PRKG1: variants seen among roughly 807,000 people sequenced by gnomAD.
PRKG1 encodes protein kinase cGMP-dependent 1.
PRKG1 carries 35 observed loss-of-function variants against 88.1 expected under a neutral mutation model. That is an observed-to-expected ratio of 0.40 (90% CI 0.30 to 0.53). PRKG1 has a LOEUF of 0.53. Among genes scored for constraint, PRKG1 ranks in the 20% least tolerant of loss-of-function variants. The pLI is 0.59. For missense variants in PRKG1, 540 were observed against 839.8 expected (o/e 0.64, Z 4.41); for synonymous variants, 303 against 292.5 (o/e 1.04, Z -0.37).
chr10:51,795,578 T>C (rs770765344), intron 3 of PRKG1, among the ~76,000 whole-genome samples: 1 of 152,124 alleles, frequency 6.6e-6, no homozygotes, highest in Non-Finnish European at 1.5e-5. Context: ...GCCTTAATAA[T>C]GTTGGGAAGC....
At chr10:52,262,911 A>T (rs1244043831) in intron 10 of PRKG1, among the ~76,000 whole-genome samples, 1 of 152,106 alleles carries the variant, frequency 6.6e-6, no homozygotes, top group African/African-American at 2.4e-5. Context: ...TGACAAGAAA[A>T]ATGTCTATAT....
intron 4 of PRKG1, among the ~76,000 whole-genome samples, chr10:51,884,782 A>G (rs1484943055): frequency 1.3e-5 from 2 of 152,158 alleles, no homozygotes; most frequent in East Asian, 1.9e-4. Flanking sequence ...TGTAAGCTAC[A>G]GGCCTTTTTA....
intron 7 of PRKG1, among the ~76,000 whole-genome samples, chr10:52,095,801 AG>A (rs2133331361): frequency 6.6e-6 from 1 of 152,296 alleles, no homozygotes; most frequent in South Asian, 2.1e-4. Flanking sequence ...GCAAAACCCA[AG>A]GAGGTTATAG....
At position 52,033,364 on chromosome 10, in the gene PRKG1, T is replaced by A. The variant is rs571188425; in HGVS notation, c.763-21120T>A. Among the ~76,000 whole-genome samples the A allele has an allele frequency of 2.0e-5, 3 of 152,318 alleles. No homozygotes were observed. In the South Asian group the frequency reaches 6.2e-4, roughly 32 times the overall value. On this transcript the variant is annotated intron_variant, in intron 5 of 17. Coordinates refer to ENST00000373980, the MANE Select transcript of PRKG1 (RefSeq NM_006258.4). ...AAAGTTGATAAAACAACAGCACACTTCTCTGTGGTGACAAAAAAGCTTATA... is the reference window on the plus strand; with the variant it reads ...AAAGTTGATAAAACAACAGCACACTACTCTGTGGTGACAAAAAAGCTTATA...
intron 8 of PRKG1, among the ~76,000 whole-genome samples, chr10:52,154,362 A>T (rs1299804398): frequency 6.6e-6 from 1 of 152,104 alleles, no homozygotes; most frequent in Non-Finnish European, 1.5e-5. Flanking sequence ...TTGCGCTTGG[A>T]TGTCTCAGCA....
chr10:51,639,824 T>C (rs1180562938), intron 3 of PRKG1, among the ~76,000 whole-genome samples: 1 of 152,132 alleles, frequency 6.6e-6, no homozygotes, highest in Non-Finnish European at 1.5e-5. Context: ...GCCAACCTAA[T>C]AAAAGCTTTG....
At chr10:51,568,926 A>T (rs1020398949) in intron 3 of PRKG1, 18 of 152,198 alleles carry the variant, frequency 1.2e-4, no homozygotes, top group Admixed American at 5.2e-4. Flanking sequence ...GGTGGCTATG[A>T]GGATAGGGAG....
chr10:51,903,590 G>A (rs1842025142), intron 4 of PRKG1, among the ~76,000 whole-genome samples: 1 of 152,124 alleles, frequency 6.6e-6, no homozygotes, highest in Admixed American at 6.6e-5. Context: ...GTGATTCTGT[G>A]TGTTGGGGAT....
intron 2 of PRKG1, among the ~76,000 whole-genome samples, chr10:51,211,540 A>G (rs575470367): frequency 6.6e-6 from 1 of 152,216 alleles, no homozygotes; most frequent in Non-Finnish European, 1.5e-5. Context: ...CTGTTTGCAG[A>G]TGACATGATT....
chr10:52,153,950 G>T (rs1838012983), intron 8 of PRKG1, among the ~76,000 whole-genome samples: 1 of 152,000 alleles, frequency 6.6e-6, no homozygotes, highest in Admixed American at 6.6e-5. Flanking sequence ...TATCCATGTT[G>T]GTCAGGCTGG....
chr10:51,400,445 G>A (rs7090694), intron 2 of PRKG1, among the ~76,000 whole-genome samples: 1 of 152,128 alleles, frequency 6.6e-6, no homozygotes, highest in African/African-American at 2.4e-5. Flanking sequence ...GGAGTCTTCT[G>A]CCAGGGTAAT....
At chr10:51,187,691 G>C (rs1837528196) in intron 2 of PRKG1, among the ~76,000 whole-genome samples, 1 of 151,874 alleles carries the variant, frequency 6.6e-6, no homozygotes, top group Admixed American at 6.6e-5. Flanking sequence ...TATCAATATT[G>C]TGAATTTCCT....
chr10:51,456,970 A>G lies in PRKG1; in HGVS notation c.479-10753A>G, dbSNP rs577526471. 1.1e-3 allele frequency among the ~76,000 whole-genome samples: 164 copies of G among 152,302 alleles called. 1 individual carries two copies. The highest frequency in any genetic ancestry group is 3.4e-3 in the African/African-American group (140 of 41,578). Reference sequence around the variant, plus strand: ...GGCATGGATGTGGTGAAAAGGCAACACTTTTACACTGCTAGCAGGAATATA... The same window carrying G: ...GGCATGGATGTGGTGAAAAGGCAACGCTTTTACACTGCTAGCAGGAATATA... On this transcript the variant is annotated intron_variant, in intron 2 of 17. Transcript: ENST00000373980.
intron 4 of PRKG1, among the ~76,000 whole-genome samples, chr10:51,895,958 G>A (rs1430588678): frequency 6.6e-6 from 1 of 152,014 alleles, no homozygotes; most frequent in African/African-American, 2.4e-5. Context: ...GAGAGCCATT[G>A]GACTCCAAGG....
chr10:51,981,649 C>A (rs1465329162), intron 5 of PRKG1, among the ~76,000 whole-genome samples: 1 of 152,058 alleles, frequency 6.6e-6, no homozygotes, highest in African/African-American at 2.4e-5. Flanking sequence ...CCCCCAATCT[C>A]TTCTGGCTTG....
intron 3 of PRKG1, among the ~76,000 whole-genome samples, chr10:51,613,728 T>C (rs1036253422): frequency 2.0e-5 from 3 of 151,842 alleles, no homozygotes; most frequent in Admixed American, 6.6e-5. Context: ...TCATATAAAT[T>C]TTTTCATTAA....
chr10:51,385,339 ACAG>A (rs2132636594), intron 2 of PRKG1, among the ~76,000 whole-genome samples: 1 of 152,336 alleles, frequency 6.6e-6, no homozygotes, highest in African/African-American at 2.4e-5. Flanking sequence ...GTGAAAATAA[ACAG>A]CAGAACCTGA....
intron 5 of PRKG1, among the ~76,000 whole-genome samples, chr10:52,025,384 G>C (rs1182591605): frequency 6.6e-6 from 1 of 152,072 alleles, no homozygotes; most frequent in African/African-American, 2.4e-5. Flanking sequence ...TGGTGTTTTA[G>C]TCATGAAGTC....
chr10:52,276,416 G>A (rs1841876022), intron 12 of PRKG1, among the ~76,000 whole-genome samples: 1 of 152,140 alleles, frequency 6.6e-6, no homozygotes, highest in African/African-American at 2.4e-5. Context: ...TGAAAAAGGT[G>A]AAATATTTTG....
Sources: allele counts gnomAD v4.1 joint callset (sites outside exome capture counted in the v4.1 genomes callset), GRCh38; gene constraint gnomAD v4.1.1; transcripts MANE v1.5; gene names NCBI Gene and HGNC (gene_info 2026-07-23, HGNC 2026-07-21).